Variants in SLC44A5 observed in about 807,000 individuals in gnomAD.
SLC44A5 encodes the protein solute carrier family 44 member 5, also known as choline transporter-like protein 5.
Under a neutral mutation model 101.8 loss-of-function variants are expected in SLC44A5, and 57 were observed. The observed-to-expected ratio is 0.56, with a 90% CI of 0.45 to 0.70. SLC44A5 has a LOEUF of 0.70. Among genes scored for constraint, SLC44A5 ranks in the 30% least tolerant of loss-of-function variants. The pLI, the probability that SLC44A5 is intolerant of heterozygous loss-of-function variation, is 0.00. For missense variants in SLC44A5, 737 were observed against 853.1 expected, an observed-to-expected ratio of 0.86 and a Z score of 1.70; for synonymous variants, 281 against 290.9, an observed-to-expected ratio of 0.97 and a Z score of 0.35.
intron 2 of SLC44A5, among the ~76,000 whole-genome samples, chr1:75,537,551 G>C (rs1234326344): frequency 1.3e-5 from 2 of 152,216 alleles, no homozygotes; most frequent in Admixed American, 1.3e-4. Context: ...GCATCTAAGA[G>C]AACAGGCAGA....
At chr1:75,361,590 T>C (rs1335258805) in intron 3 of SLC44A5, among the ~76,000 whole-genome samples, 1 of 152,100 alleles carries the variant, frequency 6.6e-6, no homozygotes, top group Non-Finnish European at 1.5e-5. Context: ...CTTTTGTGCA[T>C]CTATTGAGAT....
chr1:75,469,999 C>A (rs897696635), intron 2 of SLC44A5, among the ~76,000 whole-genome samples: 3 of 151,192 alleles, frequency 2.0e-5, no homozygotes, highest in African/African-American at 7.3e-5. Flanking sequence ...GGATGACTTG[C>A]ATATTTCCTA....
chr1:75,219,122 C>T, intron 16 of SLC44A5, 135 bp downstream of exon 16: 1 of 674,902 alleles, frequency 1.5e-6, no homozygotes, highest in Non-Finnish European at 2.6e-6. Flanking sequence ...GATGCACACT[C>T]CCCACTTCAG....
intron 1 of SLC44A5, among the ~76,000 whole-genome samples, chr1:75,551,811 C>T (rs1671952307): frequency 6.6e-6 from 1 of 151,832 alleles, no homozygotes; most frequent in South Asian, 2.1e-4. Context: ...TATTAAAGTG[C>T]CTGGCACATG....
intron 2 of SLC44A5, among the ~76,000 whole-genome samples, chr1:75,488,104 G>T (rs1570431076): frequency 3.3e-5 from 5 of 152,318 alleles, no homozygotes; most frequent in Admixed American, 3.3e-4. Flanking sequence ...CTGTCTGGTT[G>T]CAGGAAAATA....
At chr1:75,660,139 T>G in the SLC44A5 span, among the ~76,000 whole-genome samples, 77,225 of 151,852 alleles carry the variant, frequency 0.51, 20,881 homozygotes, top group Middle Eastern at 0.64. Context: ...AGGAGGCAAA[T>G]GTTGCAGTGA....
the SLC44A5 span, among the ~76,000 whole-genome samples, chr1:75,683,320 G>C: frequency 1.3e-5 from 2 of 152,036 alleles, no homozygotes; most frequent in African/African-American, 2.4e-5. Context: ...TGTTTATTGC[G>C]GCATTATTCA....
chr1:75,717,293 AT>A, the SLC44A5 span, among the ~76,000 whole-genome samples: 1 of 151,220 alleles, frequency 6.6e-6, no homozygotes, highest in East Asian at 2.0e-4. Flanking sequence ...GTGAGCTGAG[AT>A]TGGGCCACTG....
intron 4 of SLC44A5, among the ~76,000 whole-genome samples, chr1:75,307,018 G>A (rs1182814957): frequency 1.3e-5 from 2 of 152,018 alleles, no homozygotes; most frequent in Admixed American, 6.6e-5. Flanking sequence ...GATTACAAGC[G>A]TGAGCCACCG....
At chr1:75,478,121 G>T (rs369641313) in intron 2 of SLC44A5, among the ~76,000 whole-genome samples, 66 of 152,204 alleles carry the variant, frequency 4.3e-4, no homozygotes, top group South Asian at 1.7e-3. Context: ...GAAAAGAATT[G>T]TCAACCCAGA....
chr1:75,443,456 A>T (rs1310241637), intron 2 of SLC44A5, among the ~76,000 whole-genome samples: 1 of 152,052 alleles, frequency 6.6e-6, no homozygotes, highest in Non-Finnish European at 1.5e-5. Flanking sequence ...AGATAAAAAC[A>T]TGAACAACTT....
At chr1:75,259,341 T>C (rs924579100) in intron 6 of SLC44A5, among the ~76,000 whole-genome samples, 3 of 152,100 alleles carry the variant, frequency 2.0e-5, no homozygotes, top group African/African-American at 7.2e-5. Flanking sequence ...ATAAATGACC[T>C]GATGGAGCTG....
chr1:75,235,493 C>G (rs1242273852), intron 11 of SLC44A5, among the ~76,000 whole-genome samples: 1 of 151,858 alleles, frequency 6.6e-6, no homozygotes, highest in Non-Finnish European at 1.5e-5. Flanking sequence ...TATCTAGTGA[C>G]ATTTGGGTCT....
chr1:75,423,884 T>G (rs890506000), intron 2 of SLC44A5, among the ~76,000 whole-genome samples: 2 of 152,220 alleles, frequency 1.3e-5, no homozygotes, highest in Admixed American at 1.3e-4. Flanking sequence ...ACCATTAGTT[T>G]CCTATGGTTT....
intron 1 of SLC44A5, among the ~76,000 whole-genome samples, chr1:75,604,227 A>G (rs995674467): frequency 1.3e-5 from 2 of 152,142 alleles, no homozygotes; most frequent in Non-Finnish European, 2.9e-5. Context: ...ATTCTTCTGC[A>G]TATGGATAGC....
chr1:75,219,296 C>A lies in SLC44A5; in HGVS notation c.1227G>T (p.Gly409=), dbSNP rs1384690082. The A allele has an allele frequency of 6.2e-7, 1 of 1,613,416 alleles. No homozygotes were observed. Among genetic ancestry groups the A allele is most frequent in the Non-Finnish European group, 8.5e-7 (1 of 1,179,540 alleles). Residue 409 remains glycine, a synonymous_variant, in exon 16 of 24, where the codon GGG becomes GGT. Transcript: ENST00000370859. The part of the protein sequence containing the change: ...GVPVYKVIAP[G]GHCIHENQTC... ...TTTGATTTTCATGTATACAATGCCCCCCTGGAGCTATGACTTTGTATACAG... is the reference window on the plus strand; with the variant it reads ...TTTGATTTTCATGTATACAATGCCCACCTGGAGCTATGACTTTGTATACAG...
At chr1:75,541,822 A>G (rs1671367560) in intron 1 of SLC44A5, among the ~76,000 whole-genome samples, 1 of 152,060 alleles carries the variant, frequency 6.6e-6, no homozygotes, top group African/African-American at 2.4e-5. Context: ...ATGCACCCCT[A>G]ACCAGTTGAT....
intron 3 of SLC44A5, among the ~76,000 whole-genome samples, chr1:75,366,680 G>A (rs1196776923): frequency 6.8e-6 from 1 of 147,650 alleles, no homozygotes; most frequent in South Asian, 2.2e-4. Context: ...GTTTTATGAT[G>A]TACCATAGGC....
intron 2 of SLC44A5, among the ~76,000 whole-genome samples, chr1:75,446,663 C>T (rs1324654016): frequency 1.3e-5 from 2 of 151,966 alleles, no homozygotes; most frequent in Admixed American, 1.3e-4. Context: ...CACACACACA[C>T]ACACACACAC....
Sources: gnomAD v4.1 joint callset for allele counts (sites outside exome capture counted in the v4.1 genomes callset) on GRCh38, gnomAD v4.1.1 for gene constraint, MANE v1.5 for transcripts, NCBI Gene and HGNC (gene_info 2026-07-23, HGNC 2026-07-21) for gene names.